The following UBE2Q2 variants were observed in gnomAD, a reference collection of about 807,000 sequenced individuals.
UBE2Q2 encodes ubiquitin-conjugating enzyme E2 Q2.
UBE2Q2 carries 54 observed loss-of-function variants against 59.9 expected under a neutral mutation model. That is an observed-to-expected ratio of 0.90 (90% CI 0.72 to 1.13). The LOEUF is 1.13. UBE2Q2 is among the 50% of genes most tolerant of loss of function. The probability of loss-of-function intolerance (pLI) is 0.00; values close to 1 mark genes in which losing one functional copy is unlikely to be tolerated. For missense variants in UBE2Q2, 433 were observed against 441.9 expected (o/e 0.98, Z 0.18); for synonymous variants, 165 against 155.2 (o/e 1.06, Z -0.47).
intron 12 of UBE2Q2, among the ~76,000 whole-genome samples, chr15:75,897,492 T>A (rs1899496692): frequency 6.6e-6 from 1 of 152,150 alleles, no homozygotes; most frequent in South Asian, 2.1e-4. Flanking sequence ...GTACTGGGAT[T>A]ACAGGTGTAA....
intron 3 of UBE2Q2, among the ~76,000 whole-genome samples, chr15:75,865,312 T>C (rs2141591886): frequency 6.6e-6 from 1 of 152,364 alleles, no homozygotes; most frequent in South Asian, 2.1e-4. Flanking sequence ...GTACCTTTGT[T>C]GTGCTTAACA....
chr15:75,874,902 T>C (rs1897993034), intron 5 of UBE2Q2, among the ~76,000 whole-genome samples: 1 of 152,190 alleles, frequency 6.6e-6, no homozygotes, highest in South Asian at 2.1e-4. Flanking sequence ...AGGGAATGAA[T>C]TGTTAGGTAA....
chr15:75,846,151 T>C (rs1896334476), intron 1 of UBE2Q2, among the ~76,000 whole-genome samples: 1 of 152,262 alleles, frequency 6.6e-6, no homozygotes, highest in Non-Finnish European at 1.5e-5. Context: ...TACTCCACTT[T>C]AGATTATTTT....
At chr15:75,891,502 CTT>C (rs1899105804) in intron 11 of UBE2Q2, among the ~76,000 whole-genome samples, 1 of 122,478 alleles carries the variant, frequency 8.2e-6, no homozygotes, top group Non-Finnish European at 1.8e-5. Context: ...TTTTTTAAAT[CTT>C]TTTATTAACT....
chr15:75,844,312 C>G, intron 1 of UBE2Q2: 1 of 1,548,270 alleles, frequency 6.5e-7, no homozygotes, highest in African/African-American at 1.4e-5. Context: ...CCCGCTTGTT[C>G]AGCCAATTGT....
intron 3 of UBE2Q2, among the ~76,000 whole-genome samples, chr15:75,861,016 C>T (rs1185247980): frequency 3.3e-5 from 5 of 152,236 alleles, no homozygotes; most frequent in African/African-American, 1.2e-4. Flanking sequence ...CTGCTACTTA[C>T]TGGCTGTATG....
At chr15:75,869,099 T>G (rs1316756890) in intron 4 of UBE2Q2, 89 bp downstream of exon 4, 4 of 1,055,610 alleles carry the variant, frequency 3.8e-6, no homozygotes, top group Non-Finnish European at 5.5e-6. Flanking sequence ...AGACTACTAT[T>G]AATGTGGAAT....
intron 1 of UBE2Q2, chr15:75,844,566 A>G (rs1222672225): frequency 1.0e-5 from 15 of 1,445,370 alleles, no homozygotes; most frequent in Non-Finnish European, 1.3e-5. Flanking sequence ...GATACGCGCC[A>G]GGGCTGCTCC....
At chr15:75,891,797 C>T (rs746245774) in intron 11 of UBE2Q2, among the ~76,000 whole-genome samples, 15 of 152,112 alleles carry the variant, frequency 9.9e-5, no homozygotes, top group Admixed American at 9.8e-4. Context: ...CTTCCAAAGC[C>T]GGAGGTTTGT....
At chr15:75,873,667 T>G in intron 5 of UBE2Q2, 99 bp downstream of exon 5, 1 of 1,324,386 alleles carries the variant, frequency 7.6e-7, no homozygotes, top group South Asian at 1.4e-5. Context: ...GCTGCCCTCT[T>G]CCTCCATTTC....
At chr15:75,869,136 G>A in intron 4 of UBE2Q2, 126 bp downstream of exon 4, 2 of 789,920 alleles carry the variant, frequency 2.5e-6, no homozygotes, top group East Asian at 3.0e-5. Flanking sequence ...TGTTTGGAAT[G>A]GAATATAATT....
At chr15:75,853,254 G>A (rs543060439) in intron 1 of UBE2Q2, among the ~76,000 whole-genome samples, 2 of 152,134 alleles carry the variant, frequency 1.3e-5, no homozygotes, top group South Asian at 2.1e-4. Context: ...GGCTGATCAC[G>A]AGATCAGGAG....
intron 2 of UBE2Q2, among the ~76,000 whole-genome samples, chr15:75,857,966 G>T (rs1333443004): frequency 2.0e-5 from 3 of 152,090 alleles, no homozygotes; most frequent in Admixed American, 2.0e-4. Flanking sequence ...AGAAAAATTG[G>T]CTTCTGTGTC....
intron 11 of UBE2Q2, among the ~76,000 whole-genome samples, chr15:75,894,324 T>C (rs985481295): frequency 2.4e-4 from 37 of 152,006 alleles, no homozygotes; most frequent in African/African-American, 8.2e-4. Context: ...TCCTAGCACT[T>C]TGGTAGGCTG....
chr15:75,891,070 A>G, intron 11 of UBE2Q2, 56 bp downstream of exon 11: 1 of 1,368,706 alleles, frequency 7.3e-7, no homozygotes, highest in Non-Finnish European at 1.0e-6. Flanking sequence ...ATTACTTTAT[A>G]AGCTTTCTTC....
intron 5 of UBE2Q2, 102 bp from the exon 6 acceptor site, chr15:75,876,083 ATG>A: frequency 1.8e-6 from 2 of 1,130,676 alleles, no homozygotes; most frequent in Non-Finnish European, 2.5e-6. Context: ...AAAAAAAAAA[ATG>A]TTGAGTGGTG....
intron 11 of UBE2Q2, among the ~76,000 whole-genome samples, chr15:75,892,549 A>C (rs1200063079): frequency 6.6e-6 from 1 of 152,170 alleles, no homozygotes; most frequent in Non-Finnish European, 1.5e-5. Flanking sequence ...AAAATGGATG[A>C]AATAGAACTT....
intron 10 of UBE2Q2, 53 bp downstream of exon 10, chr15:75,890,536 T>C (rs1899040301): frequency 1.3e-6 from 2 of 1,513,252 alleles, no homozygotes; most frequent in Non-Finnish European, 1.8e-6. Context: ...GTTTTGATCA[T>C]GTAAATTAGA....
At chr15:75,878,102 C>A in intron 7 of UBE2Q2, 81 bp downstream of exon 7, 1 of 1,172,562 alleles carries the variant, frequency 8.5e-7, no homozygotes, top group Non-Finnish European at 1.2e-6. Flanking sequence ...TAACTTGATA[C>A]CTTTATACTA....
Sources: allele counts gnomAD v4.1 joint callset (sites outside exome capture counted in the v4.1 genomes callset), GRCh38; gene constraint gnomAD v4.1.1; transcripts MANE v1.5; gene names NCBI Gene and HGNC (gene_info 2026-07-23, HGNC 2026-07-21).